The following KCNG2 variants were observed in gnomAD, a reference collection of about 807,000 sequenced individuals.
KCNG2 encodes the protein voltage-gated potassium channel regulatory subunit KCNG2.
Under a neutral mutation model 12.3 loss-of-function variants are expected in KCNG2, and 7 were observed. The ratio of observed to expected loss-of-function variants is 0.57; its 90% CI spans 0.32 to 1.07. The LOEUF (loss-of-function observed/expected upper bound fraction) is 1.07, where lower values mean the gene tolerates loss of function less well. Ranked by LOEUF, KCNG2 falls within the 50% of genes least tolerant of loss-of-function variation. KCNG2 has a pLI of 0.04. For synonymous variants in KCNG2, 414 were observed against 351.4 expected, an observed-to-expected ratio of 1.18 and a Z score of -1.99; for missense variants, 703 against 726.0, an observed-to-expected ratio of 0.97 and a Z score of 0.36.
chr18:79,827,422 T>C (rs1339355288), intron 1 of KCNG2, among the ~76,000 whole-genome samples: 1 of 152,244 alleles, frequency 6.6e-6, no homozygotes, highest in Non-Finnish European at 1.5e-5. Context: ...AGAGGTCATC[T>C]GGCCCCAGCC....
At chr18:79,801,930 T>C (rs1456581965) in intron 1 of KCNG2, among the ~76,000 whole-genome samples, 6 of 152,202 alleles carry the variant, frequency 3.9e-5, no homozygotes, top group Admixed American at 3.9e-4. Context: ...GGGAAGCCAC[T>C]TAGCCAGGGA....
intron 1 of KCNG2, among the ~76,000 whole-genome samples, chr18:79,835,750 G>T (rs1978320516): frequency 6.6e-6 from 1 of 152,234 alleles, no homozygotes; most frequent in Non-Finnish European, 1.5e-5. Context: ...AGAGGGATGT[G>T]TAAGACTATT....
chr18:79,887,695 T>A (rs1193407440), intron 3 of KCNG2, among the ~76,000 whole-genome samples: 1 of 152,092 alleles, frequency 6.6e-6, no homozygotes, highest in Non-Finnish European at 1.5e-5. Flanking sequence ...GCCCCTGAGC[T>A]CTGGCCACGA....
chr18:79,824,088 C>T (rs1171782824), intron 1 of KCNG2, among the ~76,000 whole-genome samples: 7 of 152,188 alleles, frequency 4.6e-5, no homozygotes, highest in Non-Finnish European at 7.3e-5. Flanking sequence ...CTGCAGCCTC[C>T]GCCCCCCAGG....
At chr18:79,892,381 GAT>G (rs919103233) in intron 3 of KCNG2, among the ~76,000 whole-genome samples, 4 of 152,188 alleles carry the variant, frequency 2.6e-5, no homozygotes, top group African/African-American at 7.2e-5. Context: ...CTGTTTGGAT[GAT>G]ATATCTTTTC....
At chr18:79,879,951 C>T (rs934453728) in intron 3 of KCNG2, among the ~76,000 whole-genome samples, 1 of 152,174 alleles carries the variant, frequency 6.6e-6, no homozygotes, top group African/African-American at 2.4e-5. Context: ...AACCATAAAA[C>T]TTCAGGAGAA....
At chr18:79,845,636 CTCAG>C (rs1978597155) in intron 1 of KCNG2, among the ~76,000 whole-genome samples, 1 of 152,144 alleles carries the variant, frequency 6.6e-6, no homozygotes, top group African/African-American at 2.4e-5. Flanking sequence ...TTGTCAATTT[CTCAG>C]TCAAAAACAT....
chr18:79,848,125 A>C (rs1568254525), intron 1 of KCNG2, among the ~76,000 whole-genome samples: 1 of 152,162 alleles, frequency 6.6e-6, no homozygotes, highest in East Asian at 1.9e-4. Context: ...CTGAAACCCT[A>C]GCGTGGGCTC....
At chr18:79,815,577 C>G (rs919563111) in intron 1 of KCNG2, among the ~76,000 whole-genome samples, 2 of 152,190 alleles carry the variant, frequency 1.3e-5, no homozygotes, top group African/African-American at 2.4e-5. Context: ...AAGGAACCAC[C>G]GCTCAGCAAA....
In KCNG2 at chr18:79,863,808, C is replaced by T; in HGVS notation, c.141C>T (p.Arg47=). Residue 47 remains arginine, a synonymous_variant, in exon 3 of 4, where the codon CGC becomes CGT. Transcript: ENST00000316249. ...CCCTCGCGCGCCTGGAGCGCCTGCG[C>T]GCCTGCCGCGGCCACGACGACCTGC... is the stretch of plus-strand genomic sequence containing the variant. ...RCPLARLERL[R]ACRGHDDLLR... 2 of 1,336,780 alleles carry T rather than the reference C, an allele frequency of 1.5e-6. No individual in the cohort carries two copies. The highest frequency in any genetic ancestry group is 9.6e-7 in the Non-Finnish European group (1 of 1,038,858). The allele number at this position is 1,336,780 out of a possible 1,614,324, so 82.8% of individuals were successfully genotyped here. A position where few individuals can be genotyped will look rare whatever the true frequency, so the allele number is the denominator to read the frequency against.
At chr18:79,842,109 C>G (rs542314403) in intron 1 of KCNG2, among the ~76,000 whole-genome samples, 3 of 152,286 alleles carry the variant, frequency 2.0e-5, no homozygotes, top group African/African-American at 7.2e-5. Context: ...GGCAAGTCCT[C>G]GCAGCCACAT....
chr18:79,899,113 TC>T lies in KCNG2; in HGVS notation c.700del (p.Leu234CysfsTer65). Reference sequence around the variant, plus strand: ...TGCGTGGCCTGGTTCTCCTTCGAGTTCCTGCTGCGCTCCCTGCAGGCCGAGA... The same window carrying T: ...TGCGTGGCCTGGTTCTCCTTCGAGTTCTGCTGCGCTCCCTGCAGGCCGAGA... ...TVCVAWFSFE[F>X]LLRSLQAESK... On this transcript the variant is annotated frameshift_variant, in exon 4 of 4. Coordinates refer to ENST00000316249, the MANE Select transcript of KCNG2 (RefSeq NM_012283.2). LOFTEE classifies it low-confidence loss of function (END_TRUNC). The T allele has an allele frequency of 6.2e-7, 1 of 1,605,740 alleles. No homozygotes were observed.
chr18:79,868,982 G>A (rs902438753), intron 3 of KCNG2, among the ~76,000 whole-genome samples: 6 of 152,232 alleles, frequency 3.9e-5, no homozygotes, highest in South Asian at 4.1e-4. Context: ...GGATGTGTGC[G>A]GGAGGCTGAG....
At chr18:79,843,559 A>G (rs1978529373) in intron 1 of KCNG2, among the ~76,000 whole-genome samples, 3 of 152,232 alleles carry the variant, frequency 2.0e-5, no homozygotes, top group Non-Finnish European at 4.4e-5. Flanking sequence ...ATGGATACAT[A>G]ATATATAATG....
chr18:79,849,968 C>T (rs927715300), intron 1 of KCNG2, among the ~76,000 whole-genome samples: 1 of 152,190 alleles, frequency 6.6e-6, no homozygotes, highest in Non-Finnish European at 1.5e-5. Context: ...GGAGACCCCA[C>T]CTGGCCGTAG....
intron 3 of KCNG2, among the ~76,000 whole-genome samples, chr18:79,869,908 C>T (rs1371502490): frequency 2.0e-5 from 3 of 152,246 alleles, no homozygotes; most frequent in Admixed American, 6.5e-5. Context: ...GGCCCGCAGC[C>T]GTGGCATGGA....
In KCNG2 at chr18:79,863,869, G is replaced by T; in HGVS notation, c.202G>T (p.Glu68Ter). The T allele has an allele frequency of 6.8e-7, 1 of 1,472,476 alleles. No individual in the cohort carries two copies. The allele number at this position is 1,472,476 out of a possible 1,614,324, so 91.2% of individuals were successfully genotyped here. The change falls in exon 3 of 4, where the codon GAG (glutamate) becomes TAG (stop). Residue 68 changes from glutamate (E) to a stop codon, truncating the protein, a stop_gained. Transcript: ENST00000316249. LOFTEE classifies it high-confidence loss of function. ...VCDDYDVSRD[E>*]FFFDRSPCAF... Reference sequence around the variant, plus strand: ...TGACGACTACGACGTGAGCCGCGACGAGTTCTTCTTCGACCGCAGCCCGTG... The same window carrying T: ...TGACGACTACGACGTGAGCCGCGACTAGTTCTTCTTCGACCGCAGCCCGTG...
intron 2 of KCNG2, among the ~76,000 whole-genome samples, chr18:79,857,305 C>T (rs970224158): frequency 3.3e-5 from 5 of 149,914 alleles, no homozygotes; most frequent in Non-Finnish European, 5.9e-5. Flanking sequence ...CACGTGGTCC[C>T]GGTGATTATG....
At chr18:79,819,647 C>T (rs961073586) in intron 1 of KCNG2, among the ~76,000 whole-genome samples, 2 of 152,256 alleles carry the variant, frequency 1.3e-5, no homozygotes, top group African/African-American at 2.4e-5. Context: ...AGCCAGCAGG[C>T]TGCAATAGAG....
Sources: gnomAD v4.1 joint callset for allele counts (sites outside exome capture counted in the v4.1 genomes callset) on GRCh38, gnomAD v4.1.1 for gene constraint, MANE v1.5 for transcripts, NCBI Gene and HGNC (gene_info 2026-07-23, HGNC 2026-07-21) for gene names.